SGCZ: variants seen among roughly 807,000 people sequenced by gnomAD.
SGCZ encodes the protein zeta-sarcoglycan.
Under a neutral mutation model 41.3 loss-of-function variants are expected in SGCZ, and 40 were observed. That is an observed-to-expected ratio of 0.97 (90% CI 0.75 to 1.26). SGCZ has a LOEUF of 1.26. SGCZ is among the 50% of genes most tolerant of loss of function. The pLI is 0.00. For missense variants in SGCZ, 552 were observed against 369.8 expected, an observed-to-expected ratio of 1.49 and a Z score of -4.04; for synonymous variants, 206 against 137.5, an observed-to-expected ratio of 1.50 and a Z score of -3.49.
chr8:15,018,289 A>G (rs1585478521), intron 1 of SGCZ, among the ~76,000 whole-genome samples: 1 of 152,202 alleles, frequency 6.6e-6, no homozygotes, highest in Non-Finnish European at 1.5e-5. Flanking sequence ...TCAAAAATAA[A>G]CAAGACAGCT....
intron 2 of SGCZ, among the ~76,000 whole-genome samples, chr8:14,516,637 C>G (rs1299875142): frequency 6.6e-6 from 1 of 152,004 alleles, no homozygotes; most frequent in Non-Finnish European, 1.5e-5. Context: ...TTGTTTGGTA[C>G]TATTCCTAAA....
intron 1 of SGCZ, among the ~76,000 whole-genome samples, chr8:14,827,682 T>A (rs1221952257): frequency 6.6e-6 from 1 of 152,170 alleles, no homozygotes; most frequent in Non-Finnish European, 1.5e-5. Flanking sequence ...GAGCCTTAAA[T>A]ATTTACTATC....
chr8:14,284,058 G>T (rs1315631827), intron 3 of SGCZ, among the ~76,000 whole-genome samples: 4 of 152,166 alleles, frequency 2.6e-5, no homozygotes, highest in African/African-American at 7.2e-5. Flanking sequence ...TTATCAATAA[G>T]ATGTCTCTCC....
chr8:14,520,180 G>T lies in SGCZ; in HGVS notation c.234+34552C>A, dbSNP rs755512398. On this transcript the variant is annotated intron_variant, in intron 2 of 7. Transcript: ENST00000382080. ...CAAGTTGCAATTTGGTTCACACTAT[G>T]TAAGAATGCATTGGAACTACTAAAA... Among the ~76,000 whole-genome samples the T allele has an allele frequency of 9.5e-4, 144 of 152,202 alleles. 1 individual carries two copies. Among genetic ancestry groups the T allele is most frequent in the Non-Finnish European group, 2.0e-3 (133 of 68,008 alleles).
At chr8:14,812,329 TACAA>T (rs1801761625) in intron 1 of SGCZ, among the ~76,000 whole-genome samples, 1 of 152,082 alleles carries the variant, frequency 6.6e-6, no homozygotes, top group Non-Finnish European at 1.5e-5. Context: ...AACAAAGATA[TACAA>T]ACATAGTTGG....
chr8:15,129,177 A>G (rs1000218351), intron 1 of SGCZ, among the ~76,000 whole-genome samples: 1 of 152,154 alleles, frequency 6.6e-6, no homozygotes, highest in Non-Finnish European at 1.5e-5. Context: ...TTCTGTCTGC[A>G]TAACTGAAGT....
At chr8:14,376,487 A>T (rs191879275) in intron 2 of SGCZ, among the ~76,000 whole-genome samples, 29 of 152,280 alleles carry the variant, frequency 1.9e-4, no homozygotes, top group Admixed American at 4.6e-4. Context: ...CATGAAATTA[A>T]CTTCTTCATC....
chr8:14,712,178 C>T (rs73527598), intron 1 of SGCZ, among the ~76,000 whole-genome samples: 6,432 of 152,206 alleles, frequency 0.042, 454 homozygotes, highest in African/African-American at 0.15. Flanking sequence ...TTAAGACTAG[C>T]ATTTCACTTT....
At chr8:15,140,102 C>A (rs1869577) in intron 1 of SGCZ, among the ~76,000 whole-genome samples, 97,435 of 151,874 alleles carry the variant, frequency 0.64, 33,866 homozygotes, top group Non-Finnish European at 0.77. Context: ...CTCTCTGCAA[C>A]CATCACTCCC....
At chr8:14,663,214 T>A (rs1158875506) in intron 1 of SGCZ, among the ~76,000 whole-genome samples, 3 of 152,218 alleles carry the variant, frequency 2.0e-5, no homozygotes, top group Non-Finnish European at 4.4e-5. Context: ...CAATTGTACC[T>A]ACCCCTTGGT....
intron 1 of SGCZ, among the ~76,000 whole-genome samples, chr8:14,601,168 T>G (rs1239254220): frequency 6.6e-6 from 1 of 151,974 alleles, no homozygotes; most frequent in African/African-American, 2.4e-5. Context: ...TCAATAACAT[T>G]TTACATGCAG....
chr8:14,172,685 A>G (rs1004452867), intron 4 of SGCZ, among the ~76,000 whole-genome samples: 2 of 152,126 alleles, frequency 1.3e-5, no homozygotes, highest in Non-Finnish European at 2.9e-5. Flanking sequence ...CCTAAGGACC[A>G]TTTGCAAATC....
intron 7 of SGCZ, among the ~76,000 whole-genome samples, chr8:14,099,934 C>A (rs992485450): frequency 6.6e-6 from 1 of 151,910 alleles, no homozygotes; most frequent in East Asian, 1.9e-4. Context: ...CAATTTCATT[C>A]TTCTACATTT....
chr8:14,760,673 C>G (rs1799836693), intron 1 of SGCZ, among the ~76,000 whole-genome samples: 1 of 152,168 alleles, frequency 6.6e-6, no homozygotes, highest in Admixed American at 6.5e-5. Context: ...ATCTTGACAA[C>G]TCTCCTATAT....
chr8:14,304,642 G>C (rs549324061), intron 3 of SGCZ, among the ~76,000 whole-genome samples: 1 of 152,072 alleles, frequency 6.6e-6, no homozygotes, highest in African/African-American at 2.4e-5. Context: ...AATAAATATC[G>C]CTCAGGTTTA....
chr8:14,686,551 G>A (rs1488707276), intron 1 of SGCZ, among the ~76,000 whole-genome samples: 10 of 151,950 alleles, frequency 6.6e-5, no homozygotes, highest in Admixed American at 6.6e-4. Context: ...TATTATGGGA[G>A]GAGGATAGAG....
intron 1 of SGCZ, among the ~76,000 whole-genome samples, chr8:14,878,471 G>C (rs190942829): frequency 2.0e-5 from 3 of 152,212 alleles, no homozygotes; most frequent in African/African-American, 4.8e-5. Flanking sequence ...GTAGTACTGT[G>C]GTTCTGATGT....
intron 4 of SGCZ, among the ~76,000 whole-genome samples, chr8:14,204,928 C>G (rs1358189571): frequency 6.6e-6 from 1 of 152,010 alleles, no homozygotes; most frequent in Non-Finnish European, 1.5e-5. Context: ...ACTGGAATTC[C>G]AGGTCTCCAG....
intron 2 of SGCZ, among the ~76,000 whole-genome samples, chr8:14,334,513 G>A (rs1026167543): frequency 9.9e-5 from 15 of 152,096 alleles, no homozygotes; most frequent in Admixed American, 6.6e-4. Context: ...ATTGTATTAT[G>A]TAATCCCAAT....
Sources: gnomAD v4.1 joint callset for allele counts (sites outside exome capture counted in the v4.1 genomes callset) on GRCh38, gnomAD v4.1.1 for gene constraint, MANE v1.5 for transcripts, NCBI Gene and HGNC (gene_info 2026-07-23, HGNC 2026-07-21) for gene names.